Variants in KIAA1958 observed in about 807,000 individuals in gnomAD.
KIAA1958 encodes uncharacterized protein KIAA1958.
Under a neutral mutation model 47.2 loss-of-function variants are expected in KIAA1958, and 14 were observed. The ratio of observed to expected loss-of-function variants is 0.30; its 90% CI spans 0.20 to 0.46. The LOEUF (loss-of-function observed/expected upper bound fraction) is 0.46, where lower values mean the gene tolerates loss of function less well. Ranked by LOEUF, KIAA1958 falls within the 20% of genes least tolerant of loss-of-function variation. The pLI, the probability that KIAA1958 is intolerant of heterozygous loss-of-function variation, is 1.00. For missense variants in KIAA1958, 803 were observed against 909.2 expected (o/e 0.88, Z 1.50); for synonymous variants, 354 against 353.3 (o/e 1.00, Z -0.02).
At chr9:112,579,158 A>T (rs1447457614) in intron 2 of KIAA1958, among the ~76,000 whole-genome samples, 1 of 152,100 alleles carries the variant, frequency 6.6e-6, no homozygotes, top group Non-Finnish European at 1.5e-5. Context: ...TCTCTCACGT[A>T]TATTGGAAAT....
intron 1 of KIAA1958, among the ~76,000 whole-genome samples, chr9:112,501,046 C>T (rs1834128424): frequency 6.6e-6 from 1 of 151,660 alleles, no homozygotes; most frequent in South Asian, 2.1e-4. Flanking sequence ...ATCTCTTGAG[C>T]CTAGGAGGGT....
At position 112,659,940 on chromosome 9, in the gene KIAA1958, G is replaced by T. The variant is rs374104209; in HGVS notation, c.2022G>T (p.Gly674=). 20 of 1,614,124 alleles carry T rather than the reference G, an allele frequency of 1.2e-5. No individual in the cohort carries two copies. The highest frequency in any genetic ancestry group is 1.7e-5 in the Non-Finnish European group (20 of 1,180,054). The change falls in exon 4 of 4, where the codon GGG becomes GGT. Residue 674 remains glycine (G), a synonymous_variant. Coordinates refer to ENST00000337530, the MANE Select transcript of KIAA1958 (RefSeq NM_133465.4). ...GSVWYEEQRM[G]LRSLRGIVPN... The stretch of plus-strand genomic sequence containing the variant: ...TGTGGTATGAGGAGCAGAGGATGGG[G>T]CTGCGCTCTCTTCGGGGAATTGTCC...
chr9:112,596,372 A>G (rs943873232), intron 2 of KIAA1958, among the ~76,000 whole-genome samples: 47 of 152,188 alleles, frequency 3.1e-4, no homozygotes, highest in Non-Finnish European at 6.2e-4. Context: ...TATTATTAAG[A>G]TTTATGTTAC....
At chr9:112,506,373 A>G (rs1483077297) in intron 1 of KIAA1958, among the ~76,000 whole-genome samples, 2 of 152,132 alleles carry the variant, frequency 1.3e-5, no homozygotes, top group Admixed American at 6.5e-5. Flanking sequence ...GGAGAATGGC[A>G]TGAACCTGGG....
chr9:112,503,381 C>T (rs562916522), intron 1 of KIAA1958, among the ~76,000 whole-genome samples: 5 of 152,040 alleles, frequency 3.3e-5, no homozygotes, highest in African/African-American at 1.2e-4. Context: ...TGGCTGGTCG[C>T]GGTGGCTCAC....
At chr9:112,560,198 C>A (rs10981442) in intron 1 of KIAA1958, among the ~76,000 whole-genome samples, 1 of 108,664 alleles carries the variant, frequency 9.2e-6, no homozygotes. Flanking sequence ...TTTTCTTTTT[C>A]TTTTTTTTTC....
chr9:112,656,912 G>C (rs1837161320), intron 3 of KIAA1958, among the ~76,000 whole-genome samples: 1 of 151,788 alleles, frequency 6.6e-6, no homozygotes, highest in Non-Finnish European at 1.5e-5. Flanking sequence ...TTTCTATATA[G>C]TCTTTCTTAT....
chr9:112,514,886 C>T (rs1834390264), intron 1 of KIAA1958, among the ~76,000 whole-genome samples: 2 of 64,136 alleles, frequency 3.1e-5, no homozygotes, highest in African/African-American at 1.1e-4. Context: ...CAGCCAGCCG[C>T]CCTGTCCGGG....
At chr9:112,650,785 C>G (rs1389702446) in intron 3 of KIAA1958, among the ~76,000 whole-genome samples, 1 of 152,086 alleles carries the variant, frequency 6.6e-6, no homozygotes, top group Non-Finnish European at 1.5e-5. Flanking sequence ...CAACTATGTG[C>G]TATTCACATC....
In KIAA1958 at chr9:112,586,551, CA is replaced by C. The variant is rs151304752; in HGVS notation, c.1171+11309del. Among the ~76,000 whole-genome samples the C allele has an allele frequency of 2.9e-4, 43 of 150,864 alleles. No homozygotes were observed. In the East Asian group the frequency reaches 6.8e-3, roughly 24 times the overall value. Reference sequence around the variant, plus strand: ...TAGTATGATTTGTATTAGTATTTCACAAAAAAAAATCTTCCCAATTGGCTTT... The same window carrying C: ...TAGTATGATTTGTATTAGTATTTCACAAAAAAAATCTTCCCAATTGGCTTT... On this transcript the variant is annotated intron_variant, in intron 2 of 3. Transcript: ENST00000337530.
At chr9:112,617,080 C>G (rs1362479497) in intron 2 of KIAA1958, among the ~76,000 whole-genome samples, 2 of 152,146 alleles carry the variant, frequency 1.3e-5, no homozygotes, top group African/African-American at 4.8e-5. Flanking sequence ...CAGAAAGAGG[C>G]ACCTCAAGTC....
chr9:112,500,510 G>A (rs573179662), intron 1 of KIAA1958, among the ~76,000 whole-genome samples: 231 of 149,330 alleles, frequency 1.5e-3, no homozygotes, highest in Non-Finnish European at 2.9e-3. Context: ...GGCTGGTCTC[G>A]AACACCTGGG....
chr9:112,537,781 T>G (rs531146587), intron 1 of KIAA1958, among the ~76,000 whole-genome samples: 6 of 152,262 alleles, frequency 3.9e-5, no homozygotes, highest in African/African-American at 1.2e-4. Flanking sequence ...ACTCTCAAAG[T>G]TGGGGAAATA....
At chr9:112,650,320 A>G (rs1170443169) in intron 3 of KIAA1958, among the ~76,000 whole-genome samples, 1 of 152,168 alleles carries the variant, frequency 6.6e-6, no homozygotes, top group Non-Finnish European at 1.5e-5. Flanking sequence ...AAGGAATGCA[A>G]AGTACTTGAA....
intron 1 of KIAA1958, among the ~76,000 whole-genome samples, chr9:112,505,534 G>A (rs1008818697): frequency 6.6e-6 from 1 of 152,186 alleles, no homozygotes; most frequent in Non-Finnish European, 1.5e-5. Flanking sequence ...TCCTTGAATT[G>A]TATGGTGTGA....
chr9:112,640,044 G>T (rs1240519607), intron 2 of KIAA1958, among the ~76,000 whole-genome samples: 2 of 152,154 alleles, frequency 1.3e-5, no homozygotes, highest in Non-Finnish European at 2.9e-5. Context: ...AGGCCTATTT[G>T]TATTGCCTGA....
intron 1 of KIAA1958, among the ~76,000 whole-genome samples, chr9:112,563,943 G>A (rs1419809732): frequency 9.9e-5 from 15 of 152,130 alleles, no homozygotes; most frequent in Admixed American, 9.2e-4. Context: ...AAGGGGTACT[G>A]AATTTTGTCA....
chr9:112,629,740 G>A (rs1478724553), intron 2 of KIAA1958, among the ~76,000 whole-genome samples: 1 of 152,148 alleles, frequency 6.6e-6, no homozygotes, highest in African/African-American at 2.4e-5. Flanking sequence ...TGCCTCTGAT[G>A]TAGTGTAATT....
chr9:112,606,760 T>A (rs1221460432), intron 2 of KIAA1958, among the ~76,000 whole-genome samples: 1 of 152,196 alleles, frequency 6.6e-6, no homozygotes, highest in Non-Finnish European at 1.5e-5. Flanking sequence ...ATTAAAACCC[T>A]TCTTTATAGA....
Sources: gnomAD v4.1 joint callset for allele counts (sites outside exome capture counted in the v4.1 genomes callset) on GRCh38, gnomAD v4.1.1 for gene constraint, MANE v1.5 for transcripts, NCBI Gene and HGNC (gene_info 2026-07-23, HGNC 2026-07-21) for gene names.